Variants in ADGRF1 observed in about 807,000 individuals in gnomAD.
ADGRF1 encodes the protein adhesion G protein-coupled receptor F1.
Under a neutral mutation model 87.2 loss-of-function variants are expected in ADGRF1, and 85 were observed. The ratio of observed to expected loss-of-function variants is 0.97; its 90% CI spans 0.82 to 1.17. The LOEUF is 1.17. ADGRF1 is among the 50% of genes most tolerant of loss of function. ADGRF1 has a pLI of 0.00. For missense variants in ADGRF1, 1,169 were observed against 1,077.2 expected (o/e 1.09, Z -1.19); for synonymous variants, 430 against 408.8 (o/e 1.05, Z -0.63).
At chr6:47,026,052 A>T in intron 3 of ADGRF1, 49 bp from the exon 4 acceptor site, 1 of 1,479,774 alleles carries the variant, frequency 6.8e-7, no homozygotes, top group African/African-American at 1.4e-5. Flanking sequence ...CCTTGGGGAA[A>T]ATATTGCTGA....
At chr6:47,007,731 C>T (rs1779573533) in intron 11 of ADGRF1, among the ~76,000 whole-genome samples, 1 of 152,182 alleles carries the variant, frequency 6.6e-6, no homozygotes, top group Non-Finnish European at 1.5e-5. Flanking sequence ...CCTTTCCTTC[C>T]AGTGCAGGTC....
chr6:47,020,562 T>C (rs1582166475), intron 7 of ADGRF1, 169 bp downstream of exon 7: 1 of 1,509,780 alleles, frequency 6.6e-7, no homozygotes, highest in East Asian at 2.4e-5. Flanking sequence ...GGCTTTACTC[T>C]TCAGACTTTT....
At position 47,038,279 on chromosome 6, in the gene ADGRF1, G is replaced by C. The variant is rs566842149; in HGVS notation, c.-44+3912C>G. Among the ~76,000 whole-genome samples the C allele has an allele frequency of 1.1e-4, 17 of 152,250 alleles. No homozygotes were observed. In the South Asian group the frequency reaches 2.7e-3, roughly 24 times the overall value. Reference sequence around the variant, plus strand: ...CTTCAATCTTTCTTAAGTTAATTTAGGTTTTGGGACGAAATAAGTAAATAT... The same window carrying C: ...CTTCAATCTTTCTTAAGTTAATTTACGTTTTGGGACGAAATAAGTAAATAT... On this transcript the variant is annotated intron_variant, in intron 1 of 14. Transcript: ENST00000371253.
chr6:47,007,076 G>C (rs1226474), intron 12 of ADGRF1, among the ~76,000 whole-genome samples, 177 bp downstream of exon 12: 1 of 152,028 alleles, frequency 6.6e-6, no homozygotes, highest in African/African-American at 2.4e-5. Context: ...TTTATCAGCA[G>C]TGACTGTTTA....
At chr6:47,030,183 T>C (rs1461290741) in intron 1 of ADGRF1, among the ~76,000 whole-genome samples, 1 of 152,128 alleles carries the variant, frequency 6.6e-6, no homozygotes, top group Non-Finnish European at 1.5e-5. Context: ...AGAAAAGGCA[T>C]TAGAGACAGG....
At chr6:47,026,980 G>C (rs950961166) in intron 3 of ADGRF1, among the ~76,000 whole-genome samples, 3 of 152,166 alleles carry the variant, frequency 2.0e-5, no homozygotes, top group African/African-American at 2.4e-5. Context: ...TTTGAATCCT[G>C]GTCCCTGCCC....
chr6:47,038,994 C>A (rs1561884869), intron 1 of ADGRF1, among the ~76,000 whole-genome samples: 1 of 152,216 alleles, frequency 6.6e-6, no homozygotes, highest in Non-Finnish European at 1.5e-5. Context: ...AACACAAATT[C>A]TCTTTACCCA....
intron 7 of ADGRF1, chr6:47,019,257 G>A: frequency 2.1e-6 from 2 of 941,058 alleles, no homozygotes; most frequent in Non-Finnish European, 2.5e-6. Context: ...TTGAAAGTAT[G>A]ATCAACTGTA....
rs183501971 is a variant in ADGRF1, at chr6:47,032,929, A to G, written c.-43-3825T>C. On this transcript the variant is annotated intron_variant, in intron 1 of 14. Transcript: ENST00000371253. ...GACTCAAAGGAAGGTCCACAGCAGCAAGGATGTCAGGGATTGCTTTGCGTG... is the reference window on the plus strand; with the variant it reads ...GACTCAAAGGAAGGTCCACAGCAGCGAGGATGTCAGGGATTGCTTTGCGTG... Among the ~76,000 whole-genome samples the G allele has an allele frequency of 1.9e-4, 29 of 152,334 alleles. No individual in the cohort carries two copies. In the East Asian group the frequency reaches 4.6e-3, roughly 24 times the overall value.
intron 1 of ADGRF1, among the ~76,000 whole-genome samples, chr6:47,031,331 T>TTCTCTC (rs368788829): frequency 3.9e-4 from 50 of 128,234 alleles, no homozygotes; most frequent in Non-Finnish European, 5.3e-4. Context: ...TCTCTCTCTC[T>TTCTCTC]TCTCTCTCTC....
intron 9 of ADGRF1, chr6:47,013,355 C>T (rs770016942): frequency 1.7e-5 from 17 of 985,424 alleles, no homozygotes; most frequent in Admixed American, 6.1e-5. Flanking sequence ...AATCTAATCC[C>T]CTTCCCCAGT....
chr6:47,040,648 C>T (rs1157353138), intron 1 of ADGRF1, among the ~76,000 whole-genome samples: 1 of 152,150 alleles, frequency 6.6e-6, no homozygotes, highest in African/African-American at 2.4e-5. Context: ...GACTTGTGCA[C>T]CCTTGTGACG....
At chr6:47,006,922 C>A (rs893875408) in intron 12 of ADGRF1, among the ~76,000 whole-genome samples, 1 of 152,098 alleles carries the variant, frequency 6.6e-6, no homozygotes, top group African/African-American at 2.4e-5. Flanking sequence ...ATTGAAAGAA[C>A]AAAAGAGAAT....
chr6:47,015,415 A>ATT (rs574535696), intron 8 of ADGRF1, among the ~76,000 whole-genome samples: 155 of 145,758 alleles, frequency 1.1e-3, no homozygotes, highest in Admixed American at 3.1e-3. Context: ...AAGGGCTATG[A>ATT]TTTTTTTTTT....
At chr6:47,018,337 G>A (rs901730747) in intron 7 of ADGRF1, 163 of 1,201,954 alleles carry the variant, frequency 1.4e-4, no homozygotes, top group Non-Finnish European at 1.6e-4. Flanking sequence ...AGAGAACTGA[G>A]GCCCAATGAG....
chr6:47,031,339 C>CTCTCTCTCTG (rs1780421314), intron 1 of ADGRF1, among the ~76,000 whole-genome samples: 2 of 136,904 alleles, frequency 1.5e-5, no homozygotes, highest in African/African-American at 6.2e-5. Context: ...TCTTCTCTCT[C>CTCTCTCTCTG]TCTCTCTCTC....
chr6:47,024,047 T>C lies in ADGRF1; in HGVS notation c.448A>G (p.Thr150Ala). ...CAGAGCATTCTTAGTTGCTTACTTG[T>C]TCTCTCACAGAAATTGACACTCTGG... ...LSQSVNFCERTKIWGTFKINE... is the reference protein window; with the variant it reads ...LSQSVNFCERAKIWGTFKINE... The change falls in exon 5 of 15, where the codon ACA becomes GCA. Residue 150 changes from threonine to alanine, a missense_variant. Transcript: ENST00000371253. 6.2e-7 allele frequency: 1 copy of C among 1,613,588 alleles called. No individual in the cohort carries two copies. The highest frequency in any genetic ancestry group is 8.5e-7 in the Non-Finnish European group (1 of 1,179,674).
Position 47,001,544 on chromosome 6 carries a change from G to T in ADGRF1, c.2616C>A (p.Ala872=). The T allele has an allele frequency of 6.2e-7, 1 of 1,613,802 alleles. No individual in the cohort carries two copies. The highest frequency in any genetic ancestry group is 1.1e-5 in the South Asian group (1 of 91,050). ...TGAAAGGCTTTGAGAATTTGGGTTT[G>T]GCAGATAAATCTGATGAGTTTTGCT... ...TEKQNSSDLS[A]KPKFSKPFNP... The change falls in exon 14 of 15, where the codon GCC becomes GCA. Residue 872 remains alanine (A), a synonymous_variant. Coordinates refer to ENST00000371253, the MANE Select transcript of ADGRF1 (RefSeq NM_153840.4).
Position 47,009,851 on chromosome 6 carries a change from GT to G in ADGRF1, c.1583del (p.Asn528ThrfsTer2). 1 of 1,614,026 alleles carries G rather than the reference GT, an allele frequency of 6.2e-7. No homozygotes were observed. The highest frequency in any genetic ancestry group is 8.5e-7 in the Non-Finnish European group (1 of 1,179,960). On this transcript the variant is annotated frameshift_variant, in exon 11 of 15. Transcript: ENST00000371253. LOFTEE classifies it high-confidence loss of function. ...AAAACACACAATGAGGCTGGCTCAG[GT>G]TTGACTCTATCTTGGAAAAAAATAG... Reference protein sequence around the residue: ...VFLFFSKIESNLSQPHCVFWD... With the variant: ...VFLFFSKIESXLSQPHCVFWD...
Sources: allele counts gnomAD v4.1 joint callset (sites outside exome capture counted in the v4.1 genomes callset), GRCh38; gene constraint gnomAD v4.1.1; transcripts MANE v1.5; gene names NCBI Gene and HGNC (gene_info 2026-07-23, HGNC 2026-07-21).